SNX29: variants seen among roughly 807,000 people sequenced by gnomAD.
SNX29 encodes the protein sorting nexin 29, also known as sorting nexin-29.
Under a neutral mutation model 102.1 loss-of-function variants are expected in SNX29, and 78 were observed. The ratio of observed to expected loss-of-function variants is 0.76; its 90% confidence interval spans 0.64 to 0.92. SNX29 has a LOEUF of 0.92. Ranked by LOEUF, SNX29 falls within the 40% of genes least tolerant of loss-of-function variation. The probability of loss-of-function intolerance (pLI) is 0.00; values close to 1 mark genes in which losing one functional copy is unlikely to be tolerated. For synonymous variants in SNX29, 580 were observed against 414.5 expected (o/e 1.40, Z -4.85); for missense variants, 1,280 against 1,061.7 (o/e 1.21, Z -2.86).
chr16:12,498,425 A>G (rs574581847), intron 19 of SNX29, among the ~76,000 whole-genome samples: 1 of 152,332 alleles, frequency 6.6e-6, no homozygotes, highest in African/African-American at 2.4e-5. Flanking sequence ...TTGCTTGGGA[A>G]GCAGTGTAGG....
At chr16:12,392,680 C>A (rs1389208816) in intron 16 of SNX29, among the ~76,000 whole-genome samples, 1 of 152,176 alleles carries the variant, frequency 6.6e-6, no homozygotes, top group African/African-American at 2.4e-5. Flanking sequence ...AATAAAAATT[C>A]TTTAAAGCTC....
At chr16:12,067,525 T>C (rs1431152911) in intron 9 of SNX29, among the ~76,000 whole-genome samples, 1 of 152,204 alleles carries the variant, frequency 6.6e-6, no homozygotes, top group Non-Finnish European at 1.5e-5. Context: ...TCTCACTCTG[T>C]CTCCCAGGCT....
At chr16:11,998,423 T>C (rs2056167463) in intron 1 of SNX29, among the ~76,000 whole-genome samples, 1 of 152,192 alleles carries the variant, frequency 6.6e-6, no homozygotes, top group African/African-American at 2.4e-5. Flanking sequence ...CAGTTGGGAA[T>C]GCTTTTGGAT....
chr16:12,242,137 G>A lies in SNX29; in HGVS notation c.1679-35796G>A, dbSNP rs2078122641. 4.6e-5 allele frequency among the ~76,000 whole-genome samples: 7 copies of A among 152,120 alleles called. No homozygotes were observed. The South Asian group carries it at 1.5e-3, about 32-fold the overall frequency. On this transcript the variant is annotated intron_variant, in intron 14 of 20. Transcript: ENST00000566228. ...TTGGCTTCCCCAGCCAAAAATGGGT[G>A]CTCTTTCCCAGAAGTTGGGTGTATG...
intron 18 of SNX29, among the ~76,000 whole-genome samples, chr16:12,455,025 G>C (rs2086474375): frequency 6.6e-6 from 1 of 152,228 alleles, no homozygotes; most frequent in South Asian, 2.1e-4. Flanking sequence ...TGAGATTACA[G>C]GCATGAGCCA....
At chr16:12,406,586 G>T (rs561300675) in intron 18 of SNX29, among the ~76,000 whole-genome samples, 51 of 152,318 alleles carry the variant, frequency 3.3e-4, no homozygotes, top group African/African-American at 1.2e-3. Context: ...TCCTAGCCAT[G>T]TGTGGCTCTT....
At chr16:12,299,041 T>C (rs1206184689) in intron 15 of SNX29, among the ~76,000 whole-genome samples, 4 of 151,066 alleles carry the variant, frequency 2.6e-5, no homozygotes, top group African/African-American at 9.7e-5. Context: ...GGCTCATGCC[T>C]GTAATCCCAG....
intron 12 of SNX29, among the ~76,000 whole-genome samples, chr16:12,126,939 A>G (rs1197576793): frequency 6.6e-6 from 1 of 152,214 alleles, no homozygotes; most frequent in Non-Finnish European, 1.5e-5. Context: ...CAAGCTAAGA[A>G]TTTGGTAGAG....
rs555756009 is a variant in SNX29, at chr16:12,232,292, C to T, written c.1678+32609C>T. ...CTGTAATCTTTGAACTTTGGGAGGC[C>T]GAGGTGGGCAAATCACTTGAGTCCA... On this transcript the variant is annotated intron_variant, in intron 14 of 20. Transcript: ENST00000566228. 1.1e-4 allele frequency among the ~76,000 whole-genome samples: 17 copies of T among 152,274 alleles called. No homozygotes were observed. In the South Asian group the frequency reaches 1.5e-3, roughly 13 times the overall value.
At chr16:12,457,780 A>G (rs1019093320) in intron 18 of SNX29, among the ~76,000 whole-genome samples, 2 of 152,214 alleles carry the variant, frequency 1.3e-5, no homozygotes, top group African/African-American at 4.8e-5. Context: ...ACAAAATTGA[A>G]TGCTATCTTA....
At chr16:12,563,008 C>A (rs1009091704) in intron 20 of SNX29, among the ~76,000 whole-genome samples, 3 of 152,184 alleles carry the variant, frequency 2.0e-5, no homozygotes, top group African/African-American at 7.2e-5. Context: ...TTCAATGCGC[C>A]TTTCAAACCG....
Position 12,568,994 on chromosome 16 carries a change from C to G in SNX29, c.*365C>G, listed in dbSNP as rs962269736. 3.2e-6 allele frequency: 1 copy of G among 312,956 alleles called. No homozygotes were observed. Among genetic ancestry groups the G allele is most frequent in the Non-Finnish European group, 5.9e-6 (1 of 169,364 alleles). 19.4% of individuals were successfully genotyped at this position (312,956 alleles called of 1,614,324 possible). On this transcript the variant is annotated 3_prime_UTR_variant, in exon 21 of 21. Transcript: ENST00000566228. ...ATGGTTGAGAGGCAAAGGTGATCCC[C>G]TATATAGGAAGGTTCATGCAGAGCC... is the stretch of plus-strand genomic sequence containing the variant.
At chr16:12,482,336 G>A (rs1044324310) in intron 19 of SNX29, among the ~76,000 whole-genome samples, 3 of 150,724 alleles carry the variant, frequency 2.0e-5, no homozygotes, top group Non-Finnish European at 2.9e-5. Context: ...GAGTCCTGCT[G>A]TGTCACCCAG....
chr16:12,297,495 G>A (rs750954984), intron 15 of SNX29, among the ~76,000 whole-genome samples: 3 of 151,770 alleles, frequency 2.0e-5, no homozygotes, highest in East Asian at 1.9e-4. Context: ...CTCCTCCTCC[G>A]CATCCCTGGC....
chr16:12,050,023 C>T (rs911563542), intron 7 of SNX29, among the ~76,000 whole-genome samples: 1 of 152,164 alleles, frequency 6.6e-6, no homozygotes, highest in South Asian at 2.1e-4. Context: ...GTGTAGAGTC[C>T]CATGGTGTCT....
intron 11 of SNX29, among the ~76,000 whole-genome samples, chr16:12,084,061 G>C (rs2052039497): frequency 6.6e-6 from 1 of 152,116 alleles, no homozygotes; most frequent in Admixed American, 6.5e-5. Flanking sequence ...AAGAGAAGAT[G>C]GTGTATCCAG....
intron 20 of SNX29, among the ~76,000 whole-genome samples, chr16:12,539,838 GAAGT>G (rs556832133): frequency 1.5e-3 from 231 of 152,322 alleles, no homozygotes; most frequent in African/African-American, 2.8e-3. Flanking sequence ...CCTCTTTGGG[GAAGT>G]AAGTAAGTGT....
chr16:12,383,041 G>C (rs571476463), intron 16 of SNX29, among the ~76,000 whole-genome samples: 1 of 152,064 alleles, frequency 6.6e-6, no homozygotes, highest in African/African-American at 2.4e-5. Flanking sequence ...GACACCGTTC[G>C]ACCTACTACA....
At chr16:12,287,807 G>T (rs962650015) in intron 15 of SNX29, among the ~76,000 whole-genome samples, 4 of 152,168 alleles carry the variant, frequency 2.6e-5, no homozygotes, top group Admixed American at 1.3e-4. Flanking sequence ...TCTGTCACCT[G>T]TGTCTCCCTG....
Sources: gnomAD v4.1 joint callset for allele counts (sites outside exome capture counted in the v4.1 genomes callset) on GRCh38, gnomAD v4.1.1 for gene constraint, MANE v1.5 for transcripts, NCBI Gene and HGNC (gene_info 2026-07-23, HGNC 2026-07-21) for gene names.